The following SUGCT variants were observed in gnomAD, a reference collection of about 807,000 sequenced individuals.
The protein encoded by SUGCT is succinyl-CoA:glutarate CoA-transferase.
A neutral mutation model predicts 55.0 loss-of-function variants in SUGCT; 41 were observed. The ratio of observed to expected loss-of-function variants is 0.74; its 90% CI spans 0.58 to 0.97. SUGCT has a LOEUF of 0.97. SUGCT is among the 50% of genes least tolerant of loss of function. The pLI is 0.00. For synonymous variants in SUGCT, 187 were observed against 200.4 expected, an observed-to-expected ratio of 0.93 and a Z score of 0.56; for missense variants, 568 against 547.8, an observed-to-expected ratio of 1.04 and a Z score of -0.37.
chr7:40,912,272 C>T, the SUGCT span, among the ~76,000 whole-genome samples: 2 of 152,118 alleles, frequency 1.3e-5, no homozygotes, highest in Non-Finnish European at 2.9e-5. Context: ...AATTCTTGCC[C>T]ATTTTATGGT....
chr7:40,142,105 C>G (rs1461857837), intron 1 of SUGCT, among the ~76,000 whole-genome samples: 1 of 151,648 alleles, frequency 6.6e-6, no homozygotes, highest in Admixed American at 6.6e-5. Flanking sequence ...ATCGGAATGA[C>G]TTAGGGTGGA....
intron 12 of SUGCT, among the ~76,000 whole-genome samples, chr7:40,568,890 GT>G (rs1446709849): frequency 6.6e-6 from 1 of 152,144 alleles, no homozygotes; most frequent in Non-Finnish European, 1.5e-5. Context: ...AAGGACTTGG[GT>G]TTGAATCCTG....
chr7:40,369,181 G>A (rs1018817136), intron 9 of SUGCT, among the ~76,000 whole-genome samples: 1 of 151,986 alleles, frequency 6.6e-6, no homozygotes, highest in Admixed American at 6.6e-5. Context: ...TTCACATGCA[G>A]TGAGATTAGC....
intron 10 of SUGCT, among the ~76,000 whole-genome samples, chr7:40,451,701 T>C (rs554942447): frequency 6.6e-6 from 1 of 152,356 alleles, no homozygotes; most frequent in South Asian, 2.1e-4. Context: ...ATTGACTTTT[T>C]CAAATCTTTG....
intron 9 of SUGCT, among the ~76,000 whole-genome samples, chr7:40,343,557 C>T (rs1797159177): frequency 6.6e-6 from 1 of 151,996 alleles, no homozygotes; most frequent in Non-Finnish European, 1.5e-5. Context: ...AATCCTTTGG[C>T]CGATCTCCAA....
At chr7:40,866,862 C>T in the SUGCT span, among the ~76,000 whole-genome samples, 46 of 152,012 alleles carry the variant, frequency 3.0e-4, no homozygotes, top group African/African-American at 9.6e-4. Flanking sequence ...GAGATGACAA[C>T]GATCCAAACT....
chr7:40,935,699 A>G, the SUGCT span, among the ~76,000 whole-genome samples: 2 of 152,204 alleles, frequency 1.3e-5, no homozygotes, highest in African/African-American at 4.8e-5. Context: ...TAATACTGCT[A>G]TTTGCAGTCA....
At chr7:40,472,533 T>C (rs527248690) in intron 11 of SUGCT, among the ~76,000 whole-genome samples, 60 of 152,258 alleles carry the variant, frequency 3.9e-4, no homozygotes, top group African/African-American at 1.4e-3. Context: ...CATCTTTATA[T>C]TTCCCACTGT....
chr7:40,719,154 C>T (rs1337896524), intron 12 of SUGCT, among the ~76,000 whole-genome samples: 1 of 152,164 alleles, frequency 6.6e-6, no homozygotes, highest in African/African-American at 2.4e-5. Flanking sequence ...TCTATGAAAC[C>T]CCTTTGATCC....
intron 7 of SUGCT, among the ~76,000 whole-genome samples, chr7:40,245,404 C>CACACATATATATATATATATAT (rs1252155153): frequency 2.6e-4 from 14 of 53,324 alleles, no homozygotes; most frequent in African/African-American, 1.2e-3. Flanking sequence ...ACGTAGTAGA[C>CACACATATATATATATATATAT]ATATATATAT....
intron 13 of SUGCT, among the ~76,000 whole-genome samples, chr7:40,766,514 A>AT (rs1304775896): frequency 4.6e-5 from 7 of 152,054 alleles, no homozygotes; most frequent in Admixed American, 1.3e-4. Flanking sequence ...TATTCCTGTC[A>AT]TTTTTTCTTT....
At chr7:40,212,260 A>G (rs553047404) in intron 6 of SUGCT, among the ~76,000 whole-genome samples, 7 of 125,580 alleles carry the variant, frequency 5.6e-5, no homozygotes, top group African/African-American at 1.9e-4. Flanking sequence ...CCCCATATCT[A>G]AAAAAAAAAA....
the SUGCT span, among the ~76,000 whole-genome samples, chr7:40,994,400 A>ACC: frequency 1.7e-3 from 224 of 131,076 alleles, 3 homozygotes; most frequent in East Asian, 8.5e-3. Context: ...TCAAAGAGTC[A>ACC]CCCCCCCATT....
the SUGCT span, among the ~76,000 whole-genome samples, chr7:40,882,634 C>T: frequency 6.6e-6 from 1 of 152,116 alleles, no homozygotes; most frequent in Non-Finnish European, 1.5e-5. Context: ...CCATTGAATT[C>T]AGGTTAAAGG....
chr7:40,911,524 C>T, the SUGCT span, among the ~76,000 whole-genome samples: 4 of 150,300 alleles, frequency 2.7e-5, no homozygotes, highest in Middle Eastern at 6.8e-3. Context: ...GCCGTGATTG[C>T]GCCACTGCAC....
At chr7:40,691,881 C>T (rs1423513585) in intron 12 of SUGCT, among the ~76,000 whole-genome samples, 1 of 152,108 alleles carries the variant, frequency 6.6e-6, no homozygotes, top group Non-Finnish European at 1.5e-5. Context: ...TTTCAAGAGA[C>T]ACAAAAATTT....
chr7:40,282,926 A>G (rs1483011442), intron 8 of SUGCT, among the ~76,000 whole-genome samples: 2 of 152,190 alleles, frequency 1.3e-5, no homozygotes, highest in East Asian at 3.8e-4. Flanking sequence ...AAACTGTTAG[A>G]CTATGAGAAT....
At chr7:40,771,017 C>A (rs532078716) in intron 13 of SUGCT, among the ~76,000 whole-genome samples, 18 of 152,144 alleles carry the variant, frequency 1.2e-4, no homozygotes, top group African/African-American at 4.3e-4. Flanking sequence ...TTTCCAGATG[C>A]CAATGTCTCT....
chr7:40,139,150 ATAAAT>A (rs1562788576), intron 1 of SUGCT, among the ~76,000 whole-genome samples: 1 of 150,788 alleles, frequency 6.6e-6, no homozygotes, highest in African/African-American at 2.4e-5. Flanking sequence ...AAATAAATAA[ATAAAT>A]AAATAAATAA....
Sources: gnomAD v4.1 joint callset for allele counts (sites outside exome capture counted in the v4.1 genomes callset) on GRCh38, gnomAD v4.1.1 for gene constraint, MANE v1.5 for transcripts, NCBI Gene and HGNC (gene_info 2026-07-23, HGNC 2026-07-21) for gene names.